The following ADK variants were observed in gnomAD, a reference collection of about 807,000 sequenced individuals.
ADK encodes adenosine kinase.
ADK carries 24 observed loss-of-function variants against 44.7 expected under a neutral mutation model. The ratio of observed to expected loss-of-function variants is 0.54; its 90% confidence interval spans 0.39 to 0.76. The LOEUF is 0.76. ADK is among the 30% of genes least tolerant of loss of function. The pLI is 0.00. For missense variants in ADK, 321 were observed against 425.1 expected (o/e 0.76, Z 2.15); for synonymous variants, 128 against 142.6 (o/e 0.90, Z 0.73).
chr10:74,642,616 TATAAA>T (rs531447729), intron 9 of ADK, among the ~76,000 whole-genome samples: 301 of 152,154 alleles, frequency 2.0e-3, no homozygotes, highest in African/African-American at 7.0e-3. Flanking sequence ...TATTCCCTCT[TATAAA>T]ATATTTACTA....
At chr10:74,154,074 G>T (rs1241524496) in intron 1 of ADK, among the ~76,000 whole-genome samples, 1 of 152,020 alleles carries the variant, frequency 6.6e-6, no homozygotes, top group Non-Finnish European at 1.5e-5. Flanking sequence ...GTGACTGTAG[G>T]GTATCTGTGA....
intron 4 of ADK, chr10:74,344,484 T>G (rs1222757253): frequency 4.8e-6 from 1 of 209,162 alleles, no homozygotes; most frequent in Non-Finnish European, 1.1e-5. Flanking sequence ...TTTCAGGGGA[T>G]TGTATCAGAT....
chr10:74,555,472 A>G (rs181700649), intron 7 of ADK, among the ~76,000 whole-genome samples: 88 of 152,228 alleles, frequency 5.8e-4, no homozygotes, highest in African/African-American at 2.0e-3. Flanking sequence ...CTGGCCAGGT[A>G]TAGTGGCTTA....
intron 3 of ADK, 114 bp downstream of exon 3, chr10:74,224,705 C>T: frequency 1.2e-6 from 1 of 818,170 alleles, no homozygotes; most frequent in Middle Eastern, 3.5e-4. Flanking sequence ...ATAATTAACA[C>T]TATGACCTTA....
intron 6 of ADK, among the ~76,000 whole-genome samples, chr10:74,447,710 T>C (rs1845633388): frequency 6.6e-6 from 1 of 152,146 alleles, no homozygotes; most frequent in Non-Finnish European, 1.5e-5. Context: ...AAAATGGAGA[T>C]CATGATAGCA....
chr10:74,414,710 C>CAA (rs1018164919), intron 6 of ADK, among the ~76,000 whole-genome samples: 1 of 149,390 alleles, frequency 6.7e-6, no homozygotes, highest in East Asian at 1.9e-4. Flanking sequence ...GACTCCATCT[C>CAA]AAAAAAAAAG....
intron 6 of ADK, among the ~76,000 whole-genome samples, chr10:74,437,678 T>C (rs974886932): frequency 6.6e-6 from 1 of 152,218 alleles, no homozygotes; most frequent in Non-Finnish European, 1.5e-5. Context: ...TTTAACCCTT[T>C]CAAACCATTC....
intron 4 of ADK, among the ~76,000 whole-genome samples, chr10:74,317,563 GA>G (rs11310691): frequency 0.65 from 85,545 of 131,012 alleles, 27,902 homozygotes; most frequent in Middle Eastern, 0.79. Context: ...CTGTCTCTAG[GA>G]AAAAAAAAAA....
chr10:74,656,021 G>T (rs1007453012), intron 9 of ADK: 1 of 609,912 alleles, frequency 1.6e-6, no homozygotes, highest in Admixed American at 2.1e-5. Flanking sequence ...AGGAGCTGGT[G>T]TCTGTGGGCC....
At chr10:74,644,735 G>A (rs1282280226) in intron 9 of ADK, among the ~76,000 whole-genome samples, 1 of 152,064 alleles carries the variant, frequency 6.6e-6, no homozygotes, top group Non-Finnish European at 1.5e-5. Flanking sequence ...TTTGTATGTT[G>A]CCCAAGCTGG....
rs1841582285 is a variant in ADK at position 74,341,525 on chromosome 10, C to T, written c.273+26780C>T. Among the ~76,000 whole-genome samples the T allele has an allele frequency of 3.0e-5, 4 of 134,594 alleles. No individual in the cohort carries two copies. In the South Asian group the frequency reaches 9.6e-4, roughly 32 times the overall value. 88.3% of individuals were successfully genotyped at this position (134,594 alleles called of 152,430 possible). A position where few individuals can be genotyped will look rare whatever the true frequency, so the allele number is the denominator to read the frequency against. On this transcript the variant is annotated intron_variant, in intron 4 of 10. Transcript: ENST00000539909. ...CTGGACAACAAGAGCGAGACTCCGT[C>T]TCAAAAAAAAAAAAAAAAAAGGATT...
At chr10:74,678,746 TA>T (rs1252105502) in intron 10 of ADK, among the ~76,000 whole-genome samples, 1 of 152,236 alleles carries the variant, frequency 6.6e-6, no homozygotes. Context: ...ATGTAGTAAG[TA>T]AAATTTCTGA....
At chr10:74,431,125 G>A (rs1249421152) in intron 6 of ADK, among the ~76,000 whole-genome samples, 3 of 144,414 alleles carry the variant, frequency 2.1e-5, no homozygotes, top group African/African-American at 7.6e-5. Flanking sequence ...TGGTAGCTTA[G>A]ACTTATGGTG....
At chr10:74,494,882 G>A (rs1847627374) in intron 6 of ADK, among the ~76,000 whole-genome samples, 1 of 152,076 alleles carries the variant, frequency 6.6e-6, no homozygotes, top group South Asian at 2.1e-4. Context: ...AAATACAAGG[G>A]AGATAAATAT....
At chr10:74,183,848 C>G (rs560490876) in intron 1 of ADK, among the ~76,000 whole-genome samples, 1 of 152,224 alleles carries the variant, frequency 6.6e-6, no homozygotes, top group Non-Finnish European at 1.5e-5. Flanking sequence ...TGTGATAAAA[C>G]ATAAATAAAC....
intron 7 of ADK, among the ~76,000 whole-genome samples, chr10:74,564,269 A>C (rs1274396970): frequency 6.6e-6 from 1 of 152,238 alleles, no homozygotes; most frequent in East Asian, 1.9e-4. Context: ...AGTTAAATGC[A>C]CCCATCAAGC....
intron 9 of ADK, among the ~76,000 whole-genome samples, chr10:74,629,313 C>T (rs1365284841): frequency 1.3e-5 from 2 of 152,016 alleles, no homozygotes; most frequent in African/African-American, 2.4e-5. Flanking sequence ...TGCAGGGCAC[C>T]CTATTCTTGA....
chr10:74,700,978 C>T (rs940264465), intron 10 of ADK, among the ~76,000 whole-genome samples: 4 of 152,208 alleles, frequency 2.6e-5, no homozygotes, highest in African/African-American at 9.6e-5. Flanking sequence ...GAGAACCAAT[C>T]TAAGTTACAT....
intron 9 of ADK, among the ~76,000 whole-genome samples, chr10:74,622,707 T>C (rs1853038631): frequency 6.6e-6 from 1 of 152,108 alleles, no homozygotes; most frequent in African/African-American, 2.4e-5. Flanking sequence ...CAAAAGCAGC[T>C]AGATTAGAAC....
Sources: gnomAD v4.1 joint callset for allele counts (sites outside exome capture counted in the v4.1 genomes callset) on GRCh38, gnomAD v4.1.1 for gene constraint, MANE v1.5 for transcripts, NCBI Gene and HGNC (gene_info 2026-07-23, HGNC 2026-07-21) for gene names.